TLL1: variants seen among roughly 807,000 people sequenced by gnomAD.
TLL1 encodes tolloid like 1.
Under a neutral mutation model 128.2 loss-of-function variants are expected in TLL1, and 49 were observed. The observed-to-expected ratio is 0.38, with a 90% CI of 0.30 to 0.48. The LOEUF is 0.48. Ranked by LOEUF, TLL1 falls within the 20% of genes least tolerant of loss-of-function variation. The pLI is 0.96. For missense variants in TLL1, 1,123 were observed against 1,242.0 expected (o/e 0.90, Z 1.44); for synonymous variants, 454 against 418.8 (o/e 1.08, Z -1.03).
At chr4:165,906,270 A>G (rs1331884232) in intron 1 of TLL1, among the ~76,000 whole-genome samples, 7 of 152,224 alleles carry the variant, frequency 4.6e-5, no homozygotes, top group Non-Finnish European at 1.5e-5. Flanking sequence ...ATTAATAATA[A>G]CAAACACATA....
At chr4:165,908,931 T>A (rs10001847) in intron 1 of TLL1, among the ~76,000 whole-genome samples, 11,071 of 152,186 alleles carry the variant, frequency 0.073, 517 homozygotes, top group East Asian at 0.24. Context: ...CAAGAATGGC[T>A]CATGCCTGTA....
intron 1 of TLL1, among the ~76,000 whole-genome samples, chr4:165,980,772 T>A (rs28690692): frequency 0.087 from 13,168 of 152,132 alleles, 1,775 homozygotes; most frequent in African/African-American, 0.29. Context: ...TTGATGTTGT[T>A]AGTTATTAAT....
chr4:166,023,532 A>G (rs971367495), intron 8 of TLL1, among the ~76,000 whole-genome samples: 1 of 152,200 alleles, frequency 6.6e-6, no homozygotes, highest in South Asian at 2.1e-4. Flanking sequence ...TTAAATAATA[A>G]AGTTTGACTT....
intron 1 of TLL1, among the ~76,000 whole-genome samples, chr4:165,908,207 C>T (rs1732361611): frequency 6.6e-6 from 1 of 152,194 alleles, no homozygotes; most frequent in Admixed American, 6.5e-5. Flanking sequence ...AAATGACTTT[C>T]TTACACAGCT....
rs1241114932 is a variant in TLL1 at position 166,075,083 on chromosome 4, T to C, written c.2314+80T>C. 1.9e-6 allele frequency: 3 copies of C among 1,580,674 alleles called. No homozygotes were observed. In the African/African-American group the frequency reaches 4.0e-5, roughly 21 times the overall value. ...GTAAAGCACTGCTTCCAAGTAGAGT[T>C]AATCATTTCAATGAGTGATATCATG... is the stretch of plus-strand genomic sequence containing the variant. On this transcript the variant is annotated intron_variant, in intron 17 of 20. Coordinates refer to ENST00000061240, the MANE Select transcript of TLL1 (RefSeq NM_012464.5).
chr4:165,991,950 A>G (rs1736656761), intron 2 of TLL1, among the ~76,000 whole-genome samples: 1 of 151,940 alleles, frequency 6.6e-6, no homozygotes, highest in African/African-American at 2.4e-5. Context: ...GAATAGAGAA[A>G]ATAGGTGACA....
chr4:166,044,567 A>C, intron 12 of TLL1: 1 of 778,172 alleles, frequency 1.3e-6, no homozygotes, highest in Non-Finnish European at 1.9e-6. Context: ...TATGCTCCAG[A>C]CCATTTTTTT....
chr4:166,059,919 G>T (rs1740222990), intron 14 of TLL1, 109 bp from the exon 15 acceptor site: 1 of 1,327,772 alleles, frequency 7.5e-7, no homozygotes, highest in Non-Finnish European at 1.1e-6. Context: ...AAATCCAGAA[G>T]ATAGTTGAAA....
rs558302334 is a variant in TLL1 at position 165,992,375 on chromosome 4, C to G, written c.281-429C>G. On this transcript the variant is annotated intron_variant, in intron 2 of 20. Transcript: ENST00000061240. The stretch of plus-strand genomic sequence containing the variant: ...GAAGAAAACATGCATTACACATTTG[C>G]TCTTCTAATGTTTTTATTTCCATTT... Among the ~76,000 whole-genome samples, 21 of 152,118 alleles carry G rather than the reference C, an allele frequency of 1.4e-4. 1 individual carries two copies. In the Middle Eastern group the frequency reaches 0.014, roughly 99 times the overall value.
At chr4:166,066,516 C>A (rs969289055) in intron 16 of TLL1, among the ~76,000 whole-genome samples, 1 of 151,698 alleles carries the variant, frequency 6.6e-6, no homozygotes, top group Non-Finnish European at 1.5e-5. Flanking sequence ...GATAAAATTG[C>A]AATAAACCTT....
At chr4:166,051,259 T>C (rs1368818802) in intron 12 of TLL1, among the ~76,000 whole-genome samples, 5 of 135,826 alleles carry the variant, frequency 3.7e-5, no homozygotes, top group South Asian at 5.1e-4. Flanking sequence ...TTTTCTTTTT[T>C]CTCCTCCCTC....
chr4:165,949,508 C>T (rs2110937128), intron 1 of TLL1, among the ~76,000 whole-genome samples: 1 of 152,210 alleles, frequency 6.6e-6, no homozygotes, highest in Non-Finnish European at 1.5e-5. Flanking sequence ...ATAGAAAACT[C>T]ATACAACTGT....
At position 166,081,345 on chromosome 4, in the gene TLL1, G is replaced by A. The variant is rs542354582; in HGVS notation, c.2442+3315G>A. ...GCTTACAGCTGTGTTTTCTGAAGAA[G>A]GATTACAATGAGGCTTCAGACTTTT... On this transcript the variant is annotated intron_variant, in intron 18 of 20. Transcript: ENST00000061240. 4.0e-4 allele frequency among the ~76,000 whole-genome samples: 61 copies of A among 152,258 alleles called. 1 individual carries two copies. The South Asian group carries it at 1.0e-2, about 25-fold the overall frequency.
At chr4:165,934,047 G>A (rs902854321) in intron 1 of TLL1, among the ~76,000 whole-genome samples, 3 of 152,000 alleles carry the variant, frequency 2.0e-5, no homozygotes, top group African/African-American at 4.8e-5. Context: ...TGCCCAGGCT[G>A]GAGTGCAATG....
At chr4:165,976,034 C>CAAA (rs1169297533) in intron 1 of TLL1, among the ~76,000 whole-genome samples, 31,171 of 71,960 alleles carry the variant, frequency 0.43, 8,958 homozygotes, top group Non-Finnish European at 0.57. Flanking sequence ...GATTCCATCT[C>CAAA]AAAAAAAAAA....
intron 14 of TLL1, among the ~76,000 whole-genome samples, chr4:166,058,177 A>G (rs1740119956): frequency 6.6e-6 from 1 of 151,976 alleles, no homozygotes; most frequent in Non-Finnish European, 1.5e-5. Context: ...GCCACCATGT[A>G]TATGTATGTT....
chr4:165,966,517 CG>C (rs1735383585), intron 1 of TLL1, among the ~76,000 whole-genome samples: 2 of 152,130 alleles, frequency 1.3e-5, no homozygotes, highest in African/African-American at 4.8e-5. Context: ...GAAGATGTAT[CG>C]GGGGAACCAG....
At chr4:166,014,346 T>C (rs1027872081) in intron 7 of TLL1, 90 bp from the exon 8 acceptor site, 3 of 1,590,992 alleles carry the variant, frequency 1.9e-6, no homozygotes, top group African/African-American at 1.3e-5. Context: ...TTTGATTGAC[T>C]TGAGTTTGAA....
intron 6 of TLL1, among the ~76,000 whole-genome samples, chr4:166,007,045 C>T (rs1440040561): frequency 6.6e-6 from 1 of 151,576 alleles, no homozygotes; most frequent in East Asian, 1.9e-4. Context: ...TTTAGCTCAT[C>T]TTTCTTTGTA....
Sources: allele counts gnomAD v4.1 joint callset (sites outside exome capture counted in the v4.1 genomes callset), GRCh38; gene constraint gnomAD v4.1.1; transcripts MANE v1.5; gene names NCBI Gene and HGNC (gene_info 2026-07-23, HGNC 2026-07-21).